Variants in TRPM3 observed in about 807,000 individuals in gnomAD.
TRPM3 encodes the protein transient receptor potential cation channel subfamily M member 3.
A neutral mutation model predicts 181.2 loss-of-function variants in TRPM3; 77 were observed. That is an observed-to-expected ratio of 0.42 (90% confidence interval 0.35 to 0.51). The LOEUF (loss-of-function observed/expected upper bound fraction) is 0.51, where lower values mean the gene tolerates loss of function less well. Among genes scored for constraint, TRPM3 ranks in the 20% least tolerant of loss-of-function variants. TRPM3 has a pLI of 0.01. For missense variants in TRPM3, 1,759 were observed against 2,196.7 expected (o/e 0.80, Z 3.98); for synonymous variants, 745 against 796.4 (o/e 0.94, Z 1.09).
At chr9:70,863,143 G>T in intron 2 of TRPM3, 31 bp from the exon 3 acceptor site, 1 of 1,592,094 alleles carries the variant, frequency 6.3e-7, no homozygotes, top group Non-Finnish European at 8.6e-7. Context: ...GTGAACCCCT[G>T]GTATTAGTCA....
rs1347984476 is a variant in TRPM3, at chr9:71,418,866, G to GTATATATGTGTATATATATACACACA, written c.183+27761_183+27786dup. 4.7e-3 allele frequency among the ~76,000 whole-genome samples: 657 copies of GTATATATGTGTATATATATACACACA among 138,936 alleles called. 9 individuals carry two copies. The highest frequency in any genetic ancestry group is 0.017 in the African/African-American group (635 of 38,024). 91.1% of individuals were successfully genotyped at this position (138,936 alleles called of 152,430 possible). ...TATATAGTATCCTTTGTATATATAT[G>GTATATATGTGTATATATATACACACA]TATATATGTGTATATATATACACAC... On this transcript the variant is annotated intron_variant, in intron 1 of 24. Coordinates refer to the TRPM3 transcript ENST00000357533.
At chr9:70,986,495 TTTGA>T in intron 1 of TRPM3, among the ~76,000 whole-genome samples, 1 of 152,314 alleles carries the variant, frequency 6.6e-6, no homozygotes, top group African/African-American at 2.4e-5. Context: ...TGTATGATGC[TTTGA>T]GATATTTCCC....
chr9:71,048,027 C>T (rs2059658046), intron 1 of TRPM3, among the ~76,000 whole-genome samples: 2 of 152,152 alleles, frequency 1.3e-5, no homozygotes, highest in Admixed American at 1.3e-4. Context: ...ATTTTCTACT[C>T]TGGTCATATC....
chr9:70,869,758 T>G (rs2095748730), intron 1 of TRPM3, among the ~76,000 whole-genome samples: 1 of 151,910 alleles, frequency 6.6e-6, no homozygotes, highest in South Asian at 2.1e-4. Flanking sequence ...TAAAAAGAGG[T>G]GAGCTGTGAC....
chr9:71,093,035 C>A, intron 1 of TRPM3, among the ~76,000 whole-genome samples: 1 of 152,070 alleles, frequency 6.6e-6, no homozygotes, highest in East Asian at 1.9e-4. Context: ...TAGTCATATG[C>A]AGAAAACAGA....
At chr9:71,443,398 T>C (rs1024920277) in intron 1 of TRPM3, among the ~76,000 whole-genome samples, 2 of 152,086 alleles carry the variant, frequency 1.3e-5, no homozygotes, top group South Asian at 2.1e-4. Context: ...ACTATTGTGG[T>C]CCAGAACTTG....
intron 8 of TRPM3, among the ~76,000 whole-genome samples, chr9:70,759,607 G>T (rs937312841): frequency 1.3e-5 from 2 of 152,188 alleles, no homozygotes; most frequent in African/African-American, 2.4e-5. Context: ...TGATAGACTG[G>T]ATAAATAAAT....
intron 18 of TRPM3, among the ~76,000 whole-genome samples, chr9:70,613,965 C>A (rs1260347964): frequency 6.6e-6 from 1 of 152,144 alleles, no homozygotes; most frequent in Admixed American, 6.5e-5. Context: ...CTGTGCCACA[C>A]TTGACTTTGG....
At chr9:71,289,875 CAAAAAAAAAAAAA>C (rs71352367) in intron 1 of TRPM3, among the ~76,000 whole-genome samples, 1 of 39,774 alleles carries the variant, frequency 2.5e-5, no homozygotes, top group Admixed American at 4.2e-4. Context: ...GACTCTGTCT[CAAAAAAAAAAAAA>C]AAAAAAAAAA....
At chr9:71,411,012 T>C (rs2093537943) in intron 1 of TRPM3, among the ~76,000 whole-genome samples, 2 of 152,330 alleles carry the variant, frequency 1.3e-5, no homozygotes, top group East Asian at 1.9e-4. Flanking sequence ...CACATGATTA[T>C]CTCAATAGAT....
At chr9:70,581,935 C>T (rs537554824) in intron 22 of TRPM3, among the ~76,000 whole-genome samples, 151 of 137,218 alleles carry the variant, frequency 1.1e-3, no homozygotes, top group African/African-American at 3.7e-3. Context: ...TCCTTCCCTC[C>T]CTTTTTTCCT....
chr9:71,311,138 C>G (rs572020135), intron 1 of TRPM3, among the ~76,000 whole-genome samples: 1 of 152,000 alleles, frequency 6.6e-6, no homozygotes, highest in African/African-American at 2.4e-5. Flanking sequence ...ATATAGTATC[C>G]TAATAATTTA....
At chr9:71,096,590 A>ACTCTCTCTCTCTCT (rs71367255) in intron 1 of TRPM3, among the ~76,000 whole-genome samples, 97 of 90,030 alleles carry the variant, frequency 1.1e-3, no homozygotes, top group African/African-American at 4.8e-3. Flanking sequence ...ACACACACAC[A>ACTCTCTCTCTCTCT]CTCTCTCTCT....
intron 7 of TRPM3, among the ~76,000 whole-genome samples, chr9:70,778,747 T>C (rs2081942779): frequency 6.6e-6 from 1 of 152,106 alleles, no homozygotes; most frequent in Admixed American, 6.6e-5. Context: ...ATCAATTACG[T>C]TCTTTTGGCA....
intron 1 of TRPM3, among the ~76,000 whole-genome samples, chr9:71,223,439 CTG>C (rs959282674): frequency 6.6e-6 from 1 of 152,232 alleles, no homozygotes; most frequent in Non-Finnish European, 1.5e-5. Flanking sequence ...CGGTGAGACT[CTG>C]AGATGTGTTG....
At chr9:71,177,958 A>C (rs952225136) in intron 1 of TRPM3, among the ~76,000 whole-genome samples, 3 of 151,874 alleles carry the variant, frequency 2.0e-5, no homozygotes, top group Non-Finnish European at 4.4e-5. Context: ...AGCTTCTAAC[A>C]AAACTTCCTT....
At chr9:71,372,624 A>G (rs1030904849) in intron 1 of TRPM3, among the ~76,000 whole-genome samples, 11 of 152,142 alleles carry the variant, frequency 7.2e-5, no homozygotes, top group African/African-American at 2.4e-4. Context: ...GCTTTTTACC[A>G]TATGCTTGTG....
chr9:71,056,201 A>G (rs2060634903), intron 1 of TRPM3, among the ~76,000 whole-genome samples: 2 of 152,030 alleles, frequency 1.3e-5, no homozygotes, highest in African/African-American at 2.4e-5. Context: ...GGAAGAATAT[A>G]TTAATATTAT....
chr9:71,035,004 G>A (rs17056184), intron 1 of TRPM3, among the ~76,000 whole-genome samples: 9,332 of 151,618 alleles, frequency 0.062, 414 homozygotes, highest in Admixed American at 0.14. Flanking sequence ...CTGTTTCCTC[G>A]AGCTTATTCC....
Sources: allele counts gnomAD v4.1 joint callset (sites outside exome capture counted in the v4.1 genomes callset), GRCh38; gene constraint gnomAD v4.1.1; transcripts MANE v1.5; gene names NCBI Gene and HGNC (gene_info 2026-07-23, HGNC 2026-07-21).